Variants in KLHL31 observed in about 807,000 individuals in gnomAD.
KLHL31 encodes the protein kelch-like protein 31.
Under a neutral mutation model 47.1 loss-of-function variants are expected in KLHL31, and 32 were observed. That is an observed-to-expected ratio of 0.68 (90% CI 0.51 to 0.91). The LOEUF is 0.91. Among genes scored for constraint, KLHL31 ranks in the 40% least tolerant of loss-of-function variants. KLHL31 has a pLI of 0.00. For missense variants in KLHL31, 797 were observed against 819.3 expected (o/e 0.97, Z 0.33); for synonymous variants, 330 against 325.1 (o/e 1.01, Z -0.16).
chr6:53,661,934 T>C (rs1248219518), intron 1 of KLHL31, among the ~76,000 whole-genome samples: 1 of 152,228 alleles, frequency 6.6e-6, no homozygotes, highest in Non-Finnish European at 1.5e-5. Flanking sequence ...ATATTTTAAC[T>C]TTGCAAAGTT....
rs77437134 is a variant in KLHL31 at position 53,664,785 on chromosome 6, C to T, written c.-34+816G>A. Reference sequence around the variant, plus strand: ...CCAGAATGTCTTTTTGCCAAAGGGGCGAATCAGCTGCGCCTGCTCCCTGTC... The same window carrying T: ...CCAGAATGTCTTTTTGCCAAAGGGGTGAATCAGCTGCGCCTGCTCCCTGTC... On this transcript the variant is annotated intron_variant, in intron 1 of 2. Coordinates refer to ENST00000370905, the MANE Select transcript of KLHL31 (RefSeq NM_001003760.5). Among the ~76,000 whole-genome samples, 1,378 of 152,218 alleles carry T rather than the reference C, an allele frequency of 9.1e-3. 20 individuals are homozygous for T. Among genetic ancestry groups the T allele is most frequent in the African/African-American group, 0.031 (1,305 of 41,528 alleles).
rs1764478310 is a variant in KLHL31, at chr6:53,651,984, A to G, written c.1519T>C (p.Cys507Arg). ...ACTCTGTCGCTCAGCGTGACCGCGCAGTGCCAGCCCCGGGGTGTGCTGAGG... is the reference window on the plus strand; with the variant it reads ...ACTCTGTCGCTCAGCGTGACCGCGCGGTGCCAGCCCCGGGGTGTGCTGAGG... ...PNLSTPRGWH[C>R]AVTLSDRVYV... Residue 507 changes from cysteine to arginine, a missense_variant, in exon 3 of 3, where the codon TGC becomes CGC. Cys to Arg is a radical substitution (Grantham distance 180). Coordinates refer to ENST00000370905, the MANE Select transcript of KLHL31 (RefSeq NM_001003760.5). 1 of 1,592,576 alleles carries G rather than the reference A, an allele frequency of 6.3e-7. No individual in the cohort carries two copies. The highest frequency in any genetic ancestry group is 1.7e-5 in the Admixed American group (1 of 58,582).
At chr6:53,665,127 G>A (rs1764700664) in intron 1 of KLHL31, among the ~76,000 whole-genome samples, 1 of 150,974 alleles carries the variant, frequency 6.6e-6, no homozygotes, top group Non-Finnish European at 1.5e-5. Context: ...TGAGTTTTGT[G>A]CTACAGATTT....
rs1764709291 is a variant in KLHL31, at chr6:53,665,726, C to T, written c.-159G>A. ...AATCCGGTGGGGAGCCACCAGCAGC[C>T]ACCTGACAAGACCCGGCTGCAGCAA... On this transcript the variant is annotated 5_prime_UTR_variant, in exon 1 of 3. Transcript: ENST00000370905. 1 of 152,254 alleles carries T rather than the reference C, an allele frequency of 6.6e-6. No individual in the cohort carries two copies. Among genetic ancestry groups the T allele is most frequent in the African/African-American group, 2.4e-5 (1 of 41,398 alleles). 9.4% of individuals were successfully genotyped at this position (152,254 alleles called of 1,614,324 possible).
intron 1 of KLHL31, among the ~76,000 whole-genome samples, chr6:53,659,912 C>A (rs1764621618): frequency 1.3e-5 from 2 of 152,152 alleles, no homozygotes; most frequent in Admixed American, 1.3e-4. Flanking sequence ...CATTGCCTGA[C>A]CTTCATGCTG....
chr6:53,655,101 T>G lies in KLHL31; in HGVS notation c.172A>C (p.Asn58His). 4 of 1,614,208 alleles carry G rather than the reference T, an allele frequency of 2.5e-6. No homozygotes were observed. Among genetic ancestry groups the G allele is most frequent in the Non-Finnish European group, 3.4e-6 (4 of 1,180,036 alleles). Residue 58 changes from asparagine (N) to histidine (H), a missense_variant, in exon 2 of 3, where the codon AAC becomes CAC. By Grantham distance (68) the Asn-to-His change is moderately conservative. Transcript: ENST00000370905. ...ATTTTACTTAAACCTTCCAAGAGGT[T>G]GGGGCCATAAGAAGCATCTGTTAGT... ...SELTDASYGP[N>H]LLEGLSKMRQ...
At position 53,655,312 on chromosome 6, in the gene KLHL31, A is replaced by C; in HGVS notation, c.-33-7T>G. 1 of 1,340,056 alleles carries C rather than the reference A, an allele frequency of 7.5e-7. No individual in the cohort carries two copies. The highest frequency in any genetic ancestry group is 1.0e-6 in the Non-Finnish European group (1 of 996,960). The allele number at this position is 1,340,056 out of a possible 1,614,324, so 83.0% of individuals were successfully genotyped here. On this transcript the variant is annotated splice_region_variant and splice_polypyrimidine_tract_variant and intron_variant, in intron 1 of 2. Transcript: ENST00000370905. ...TGTTACAGGCAAGAGCTTGCTAAAA[A>C]GAGAAAAAAAAAAACATGGTTTTGT... is the stretch of plus-strand genomic sequence containing the variant.
At position 53,654,912 on chromosome 6, in the gene KLHL31, G is replaced by C; in HGVS notation, c.361C>G (p.Leu121Val). 1 of 1,614,078 alleles carries C rather than the reference G, an allele frequency of 6.2e-7. No individual in the cohort carries two copies. Among genetic ancestry groups the C allele is most frequent in the Non-Finnish European group, 8.5e-7 (1 of 1,179,978 alleles). ...VDLNDISPLG[L>V]ATVIAYAYTG... ...TAGGCATATGCAATGACAGTGGCCA[G>C]GCCTAGTGGTGAGATATCATTGAGA... The change falls in exon 2 of 3, where the codon CTG becomes GTG. Residue 121 changes from leucine to valine, a missense_variant. Physicochemically the swap from Leu to Val is conservative, Grantham distance 32. Transcript: ENST00000370905.
At position 53,654,172 on chromosome 6, in the gene KLHL31, A is replaced by C; in HGVS notation, c.1101T>G (p.Leu367=). The change falls in exon 2 of 3, where the codon CTT becomes CTG. Residue 367 remains leucine, a synonymous_variant. Transcript: ENST00000370905. ...TCTGGTCTTCACCACCGGCTACATA[A>C]AGAAATCCATCCATCACAGCCACAC... ...NQCVAVMDGF[L]YVAGGEDQND... 6.2e-7 allele frequency: 1 copy of C among 1,614,098 alleles called. No individual in the cohort carries two copies. Among genetic ancestry groups the C allele is most frequent in the Non-Finnish European group, 8.5e-7 (1 of 1,180,008 alleles).
chr6:53,653,779 C>A (rs1764509885), intron 2 of KLHL31, among the ~76,000 whole-genome samples: 1 of 151,970 alleles, frequency 6.6e-6, no homozygotes, highest in Non-Finnish European at 1.5e-5. Flanking sequence ...TGAAGAGTAC[C>A]CAACTAGAAG....
rs200886597 is a variant in KLHL31, at chr6:53,651,740, C to T, written c.1763G>A (p.Ser588Asn). Residue 588 changes from serine to asparagine, a missense_variant, in exon 3 of 3, where the codon AGC (serine) becomes AAC (asparagine). Transcript: ENST00000370905. Reference sequence around the variant, plus strand: ...CTCCGTCCACTCGTTGAGCTCGGGGCTGAAGCACTGGATGCACTTCTTGTA... The same window carrying T: ...CTCCGTCCACTCGTTGAGCTCGGGGTTGAAGCACTGGATGCACTTCTTGTA... Reference protein sequence around the residue: ...KKYKKCIQCFSPELNEWTEDD... With the variant: ...KKYKKCIQCFNPELNEWTEDD... The T allele has an allele frequency of 3.8e-5, 62 of 1,614,198 alleles. No homozygotes were observed. Among genetic ancestry groups the T allele is most frequent in the Middle Eastern group, 1.6e-4 (1 of 6,062 alleles).
rs1458772872 is a variant in KLHL31 at position 53,655,582 on chromosome 6, TTTTC to T, written c.-33-281_-33-278del. Among the ~76,000 whole-genome samples, 22 of 148,876 alleles carry T rather than the reference TTTTC, an allele frequency of 1.5e-4. 1 individual carries two copies. The highest frequency in any genetic ancestry group is 1.2e-3 in the Admixed American group (17 of 14,532). The stretch of plus-strand genomic sequence containing the variant: ...TAATTATATAGAAAAAGTGACCACA[TTTTC>T]TTTCTTTCTTTTTTCTTTTTTTCTT... On this transcript the variant is annotated intron_variant, in intron 1 of 2. Coordinates refer to ENST00000370905, the MANE Select transcript of KLHL31 (RefSeq NM_001003760.5).
In KLHL31 at chr6:53,647,947, G is replaced by A. The variant is rs541063821; in HGVS notation, c.*3651C>T. 1 of 152,732 alleles carries A rather than the reference G, an allele frequency of 6.5e-6. No homozygotes were observed. Among genetic ancestry groups the A allele is most frequent in the East Asian group, 1.9e-4 (1 of 5,190 alleles). The allele number at this position is 152,732 out of a possible 1,614,324, so 9.5% of individuals were successfully genotyped here. A position where few individuals can be genotyped will look rare whatever the true frequency, so the allele number is the denominator to read the frequency against. ...CTTATTGAATGCAGCTTTATTGATA[G>A]TGATGAGATTACAAAATAACACTAC... On this transcript the variant is annotated 3_prime_UTR_variant, in exon 3 of 3. Transcript: ENST00000370905.
rs1561981314 is a variant in KLHL31, at chr6:53,648,488, A to G, written c.*3110T>C. 6.6e-6 allele frequency: 1 copy of G among 152,234 alleles called. No individual in the cohort carries two copies. Among genetic ancestry groups the G allele is most frequent in the Non-Finnish European group, 1.5e-5 (1 of 68,040 alleles). 9.4% of individuals were successfully genotyped at this position (152,234 alleles called of 1,614,324 possible). Reference sequence around the variant, plus strand: ...TTAAAAAATTGACCTTTTAGAACGTACATATTTCCAGGTAAACCTCTATTT... The same window carrying G: ...TTAAAAAATTGACCTTTTAGAACGTGCATATTTCCAGGTAAACCTCTATTT... On this transcript the variant is annotated 3_prime_UTR_variant, in exon 3 of 3. Transcript: ENST00000370905.
Position 53,649,517 on chromosome 6 carries a change from C to T in KLHL31, c.*2081G>A, listed in dbSNP as rs1351629795. On this transcript the variant is annotated 3_prime_UTR_variant, in exon 3 of 3. Coordinates refer to ENST00000370905, the MANE Select transcript of KLHL31 (RefSeq NM_001003760.5). ...CAAGTTTTTGCACAACCTAATTTAT[C>T]AAGCTTTGATAGATGAAAAATCCTC... is the stretch of plus-strand genomic sequence containing the variant. 1 of 152,192 alleles carries T rather than the reference C, an allele frequency of 6.6e-6. No individual in the cohort carries two copies. The allele number at this position is 152,192 out of a possible 1,614,324, so 9.4% of individuals were successfully genotyped here.
In KLHL31 at chr6:53,654,465, TG is replaced by T; in HGVS notation, c.807del (p.Asn270IlefsTer9). The T allele has an allele frequency of 1.2e-6, 2 of 1,614,156 alleles. No individual in the cohort carries two copies. The highest frequency in any genetic ancestry group is 1.7e-6 in the Non-Finnish European group (2 of 1,179,992). ...RFGTISAQDL[V>X]NYVQSVPRMM... Reference sequence around the variant, plus strand: ...ATTCTTGGTACGGATTGAACATAATTGACCAGGTCTTGTGCAGAGATGGTAC... The same window carrying T: ...ATTCTTGGTACGGATTGAACATAATTACCAGGTCTTGTGCAGAGATGGTAC... On this transcript the variant is annotated frameshift_variant, in exon 2 of 3. Transcript: ENST00000370905. LOFTEE classifies it high-confidence loss of function.
In KLHL31 at chr6:53,649,977, C is replaced by T. The variant is rs1440601062; in HGVS notation, c.*1621G>A. 1 of 152,088 alleles carries T rather than the reference C, an allele frequency of 6.6e-6. No individual in the cohort carries two copies. Among genetic ancestry groups the T allele is most frequent in the Non-Finnish European group, 1.5e-5 (1 of 68,002 alleles). 9.4% of individuals were successfully genotyped at this position (152,088 alleles called of 1,614,324 possible). On this transcript the variant is annotated 3_prime_UTR_variant, in exon 3 of 3. Transcript: ENST00000370905. ...AATATCCAGAGATTGAACTTTTCAT[C>T]GGGGTAATGATATAAAATTGTTCCA...
At chr6:53,662,532 T>G (rs1211815341) in intron 1 of KLHL31, among the ~76,000 whole-genome samples, 1 of 152,186 alleles carries the variant, frequency 6.6e-6, no homozygotes, top group East Asian at 1.9e-4. Flanking sequence ...TATCCTTTCT[T>G]TCTGTGGAGG....
In KLHL31 at chr6:53,651,576, G is replaced by A; in HGVS notation, c.*22C>T. 1 of 1,592,424 alleles carries A rather than the reference G, an allele frequency of 6.3e-7. No homozygotes were observed. The highest frequency in any genetic ancestry group is 8.6e-7 in the Non-Finnish European group (1 of 1,165,730). ...TACGAATAAATAACGTGTTCTTCCT[G>A]CGTCCCTGCATCTACCTGGGCTCAG... On this transcript the variant is annotated 3_prime_UTR_variant, in exon 3 of 3. Coordinates refer to ENST00000370905, the MANE Select transcript of KLHL31 (RefSeq NM_001003760.5).
Sources: allele counts gnomAD v4.1 joint callset (sites outside exome capture counted in the v4.1 genomes callset), GRCh38; gene constraint gnomAD v4.1.1; transcripts MANE v1.5; gene names NCBI Gene and HGNC (gene_info 2026-07-23, HGNC 2026-07-21).